CTNND2: variants seen among roughly 807,000 people sequenced by gnomAD.
CTNND2 encodes catenin delta-2.
Under a neutral mutation model 144.4 loss-of-function variants are expected in CTNND2, and 22 were observed. The ratio of observed to expected loss-of-function variants is 0.15; its 90% CI spans 0.11 to 0.22. The LOEUF is 0.22. Among genes scored for constraint, CTNND2 ranks in the 10% least tolerant of loss-of-function variants. The probability of loss-of-function intolerance (pLI) is 1.00; values close to 1 mark genes in which losing one functional copy is unlikely to be tolerated. For missense variants in CTNND2, 1,353 were observed against 1,618.8 expected, an observed-to-expected ratio of 0.84 and a Z score of 2.82; for synonymous variants, 751 against 695.6, an observed-to-expected ratio of 1.08 and a Z score of -1.25.
intron 1 of CTNND2, among the ~76,000 whole-genome samples, chr5:11,741,038 G>C (rs969236303): frequency 3.3e-5 from 5 of 152,174 alleles, no homozygotes; most frequent in African/African-American, 1.2e-4. Context: ...ATGCCAGTTA[G>C]AATGGCGATC....
intron 18 of CTNND2, among the ~76,000 whole-genome samples, chr5:11,007,472 G>A (rs534768743): frequency 1.3e-5 from 2 of 152,354 alleles, no homozygotes; most frequent in South Asian, 2.1e-4. Flanking sequence ...TCACGGGCAC[G>A]TGGTTATGAC....
chr5:11,548,266 G>A (rs1775432998), intron 3 of CTNND2, among the ~76,000 whole-genome samples: 1 of 152,158 alleles, frequency 6.6e-6, no homozygotes, highest in Non-Finnish European at 1.5e-5. Context: ...AATTGAGAAA[G>A]CTGTTTGACA....
chr5:11,431,456 G>A (rs973796440), intron 3 of CTNND2, among the ~76,000 whole-genome samples: 5 of 152,214 alleles, frequency 3.3e-5, no homozygotes, highest in African/African-American at 4.8e-5. Context: ...ATGTTGAGAC[G>A]TAAAATGCAG....
chr5:11,581,473 C>T (rs936427840), intron 2 of CTNND2, among the ~76,000 whole-genome samples: 19 of 152,124 alleles, frequency 1.2e-4, no homozygotes, highest in African/African-American at 3.6e-4. Context: ...CATTAAACAG[C>T]GTATCCAAAG....
intron 2 of CTNND2, among the ~76,000 whole-genome samples, chr5:11,593,146 G>C (rs2150144720): frequency 6.6e-6 from 1 of 152,268 alleles, no homozygotes; most frequent in East Asian, 1.9e-4. Context: ...CATGACCTTG[G>C]AGTAGCCAAG....
chr5:10,981,577 G>A (rs1737253668), intron 21 of CTNND2, among the ~76,000 whole-genome samples, 196 bp downstream of exon 21: 1 of 146,098 alleles, frequency 6.8e-6, no homozygotes, highest in Non-Finnish European at 1.5e-5. Context: ...AGGCTGTTCT[G>A]CCGAGTCCAA....
At chr5:11,531,051 G>A (rs533035602) in intron 3 of CTNND2, among the ~76,000 whole-genome samples, 13 of 152,142 alleles carry the variant, frequency 8.5e-5, no homozygotes, top group Admixed American at 7.9e-4. Flanking sequence ...GTCATTAGAG[G>A]TTTACTCTAC....
At chr5:11,256,391 C>G (rs983262594) in intron 9 of CTNND2, among the ~76,000 whole-genome samples, 9 of 152,144 alleles carry the variant, frequency 5.9e-5, no homozygotes, top group African/African-American at 2.2e-4. Flanking sequence ...GCACTTGTCA[C>G]GTTGAAACTT....
chr5:11,354,014 C>G (rs938048010), intron 8 of CTNND2, among the ~76,000 whole-genome samples: 1 of 151,950 alleles, frequency 6.6e-6, no homozygotes, highest in Non-Finnish European at 1.5e-5. Flanking sequence ...ATGAGGGGAC[C>G]GAGCAAACTC....
chr5:11,518,123 G>A (rs1772360175), intron 3 of CTNND2, among the ~76,000 whole-genome samples: 1 of 152,194 alleles, frequency 6.6e-6, no homozygotes, highest in South Asian at 2.1e-4. Flanking sequence ...CCGCATATAA[G>A]ATGGTGGTCC....
At chr5:11,474,260 C>T (rs764088436) in intron 3 of CTNND2, among the ~76,000 whole-genome samples, 7 of 152,164 alleles carry the variant, frequency 4.6e-5, no homozygotes, top group African/African-American at 1.7e-4. Flanking sequence ...ACTGATTGTT[C>T]GGCCCACCTC....
chr5:11,776,079 T>C (rs907475744), intron 1 of CTNND2, among the ~76,000 whole-genome samples: 2 of 152,128 alleles, frequency 1.3e-5, no homozygotes, highest in Admixed American at 1.3e-4. Flanking sequence ...CTTCTGACAC[T>C]TGGGTTTAGA....
intron 3 of CTNND2, among the ~76,000 whole-genome samples, chr5:11,445,893 C>A (rs535565397): frequency 6.6e-6 from 1 of 152,318 alleles, no homozygotes; most frequent in East Asian, 1.9e-4. Context: ...AAATGTAACA[C>A]AGTATTTAAA....
intron 1 of CTNND2, among the ~76,000 whole-genome samples, chr5:11,795,152 G>C (rs1350495444): frequency 6.6e-6 from 1 of 152,068 alleles, no homozygotes; most frequent in Non-Finnish European, 1.5e-5. Flanking sequence ...AGTGTACTAC[G>C]TGCCCTGACT....
intron 3 of CTNND2, among the ~76,000 whole-genome samples, chr5:11,477,573 G>C (rs533796001): frequency 9.8e-4 from 149 of 152,046 alleles, no homozygotes; most frequent in Non-Finnish European, 1.9e-3. Flanking sequence ...CACAACACCT[G>C]GCTAATTTTT....
intron 21 of CTNND2, among the ~76,000 whole-genome samples, chr5:10,975,680 G>C (rs1463020473): frequency 6.6e-6 from 1 of 152,204 alleles, no homozygotes; most frequent in Non-Finnish European, 1.5e-5. Context: ...AGGCCTCAAG[G>C]AGCTGACTCT....
chr5:11,549,488 T>C (rs1028996366), intron 3 of CTNND2, among the ~76,000 whole-genome samples: 2 of 152,154 alleles, frequency 1.3e-5, no homozygotes, highest in Non-Finnish European at 2.9e-5. Flanking sequence ...AGATTTTAGA[T>C]GCAAATCCTG....
In CTNND2 at chr5:11,111,040, C is replaced by T. The variant is rs370692250; in HGVS notation, c.2281G>A (p.Val761Ile). The change falls in exon 14 of 22, where the codon GTT (valine) becomes ATT (isoleucine). Residue 761 changes from valine to isoleucine, a missense_variant. Coordinates refer to ENST00000304623, the MANE Select transcript of CTNND2 (RefSeq NM_001332.4). Reference protein sequence around the residue: ...LGSSEIDSKTVENCVCILRNL... With the variant: ...LGSSEIDSKTIENCVCILRNL... ...CTTAAAATGCACACACAGTTTTCAA[C>T]GGTCTGCAGAAAAGGGGGAAACAGA... The T allele has an allele frequency of 1.7e-5, 27 of 1,611,928 alleles. No individual in the cohort carries two copies. The highest frequency in any genetic ancestry group is 9.3e-5 in the African/African-American group (7 of 74,872).
Position 11,078,774 on chromosome 5 carries a change from C to T in CTNND2, c.2788+3922G>A, listed in dbSNP as rs574164065. Reference sequence around the variant, plus strand: ...TGTCCTGTCTGAAACAACTGTGCAACGAAAAAAAGAAAAGAGTATATGGGA... The same window carrying T: ...TGTCCTGTCTGAAACAACTGTGCAATGAAAAAAAGAAAAGAGTATATGGGA... On this transcript the variant is annotated intron_variant, in intron 16 of 21. Transcript: ENST00000304623. 9.2e-5 allele frequency among the ~76,000 whole-genome samples: 14 copies of T among 151,774 alleles called. 1 individual carries two copies. In the South Asian group the frequency reaches 2.7e-3, roughly 29 times the overall value.
Sources: gnomAD v4.1 joint callset for allele counts (sites outside exome capture counted in the v4.1 genomes callset) on GRCh38, gnomAD v4.1.1 for gene constraint, MANE v1.5 for transcripts, NCBI Gene and HGNC (gene_info 2026-07-23, HGNC 2026-07-21) for gene names.